CTPS2: variants seen among roughly 807,000 people sequenced by gnomAD.
CTPS2 encodes CTP synthase 2.
Under a neutral mutation model 46.8 loss-of-function variants are expected in CTPS2, and 19 were observed. The ratio of observed to expected loss-of-function variants is 0.41; its 90% confidence interval spans 0.28 to 0.60. The LOEUF is 0.60. Ranked by LOEUF, CTPS2 falls within the 20% of genes least tolerant of loss-of-function variation. The probability of loss-of-function intolerance (pLI) is 0.35; values close to 1 mark genes in which losing one functional copy is unlikely to be tolerated. For synonymous variants in CTPS2, 151 were observed against 165.2 expected (o/e 0.91, Z 0.66); for missense variants, 286 against 447.6 (o/e 0.64, Z 3.26).
chrX:16,702,934 G>C lies in CTPS2; in HGVS notation c.-32C>G. On this transcript the variant is annotated 5_prime_UTR_variant, in exon 2 of 19. The change creates a new upstream start codon in the 5' untranslated region. Coordinates refer to ENST00000359276, the MANE Select transcript of CTPS2 (RefSeq NM_175859.3). Reference sequence around the variant, plus strand: ...AATAGTGGCTGGGTGCCAACACCCAGATATAATCTGAAAGGCAATAAAATT... The same window carrying C: ...AATAGTGGCTGGGTGCCAACACCCACATATAATCTGAAAGGCAATAAAATT... 8 of 1,138,365 alleles carry C rather than the reference G, an allele frequency of 7.0e-6. No homozygotes were observed. The highest frequency in any genetic ancestry group is 8.3e-6 in the Non-Finnish European group (7 of 844,002). 93.8% of individuals were successfully genotyped at this position (1,138,365 alleles called of 1,213,427 possible).
intron 8 of CTPS2, among the ~76,000 whole-genome samples, chrX:16,685,605 T>G (rs1223679260): frequency 1.8e-5 from 2 of 108,259 alleles, no homozygotes; most frequent in Non-Finnish European, 3.8e-5. Context: ...ATGCCTGTAA[T>G]CCCAGCAGTT....
rs948772360 is a variant in CTPS2 at position 16,701,726 on chromosome X, G to A, written c.166+1011C>T. 3.7e-5 allele frequency among the ~76,000 whole-genome samples: 4 copies of A among 108,510 alleles called. No individual in the cohort carries two copies. In the East Asian group the frequency reaches 1.2e-3, roughly 33 times the overall value. The allele number at this position is 108,510 out of a possible 115,157, so 94.2% of individuals were successfully genotyped here. ...CGCCATTCTCCCACCTTAGCCTCCC[G>A]AGTAGCTGGGACTACAGGCGCTCGC... On this transcript the variant is annotated intron_variant, in intron 2 of 18. Coordinates refer to ENST00000359276, the MANE Select transcript of CTPS2 (RefSeq NM_175859.3).
chrX:16,591,361 T>C (rs1265034015), intron 17 of CTPS2, among the ~76,000 whole-genome samples: 1 of 111,588 alleles, frequency 9.0e-6, no homozygotes, highest in Non-Finnish European at 1.9e-5. Flanking sequence ...AGGTTGAGCA[T>C]CACTTAGTCC....
intron 16 of CTPS2, among the ~76,000 whole-genome samples, chrX:16,610,417 C>T (rs1930203428): frequency 9.0e-6 from 1 of 111,158 alleles, no homozygotes; most frequent in African/African-American, 3.3e-5. Flanking sequence ...ATTCCCATCA[C>T]TTACCAGCAA....
intron 1 of CTPS2, chrX:16,711,741 T>G (rs1283596568): frequency 9.0e-6 from 1 of 111,661 alleles, no homozygotes; most frequent in East Asian, 2.8e-4. Flanking sequence ...TTTTGTTGTA[T>G]ATAAACCATA....
At chrX:16,675,927 TTTTTG>T (rs1253876217) in intron 10 of CTPS2, among the ~76,000 whole-genome samples, 8 of 112,103 alleles carry the variant, frequency 7.1e-5, no homozygotes, top group South Asian at 7.4e-4. Flanking sequence ...TTGCTGATCC[TTTTTG>T]TTTTATTTTT....
chrX:16,602,948 G>A (rs1441801882), intron 17 of CTPS2, among the ~76,000 whole-genome samples: 2 of 111,564 alleles, frequency 1.8e-5, no homozygotes, highest in Admixed American at 1.9e-4. Flanking sequence ...GCCAGTGGGT[G>A]CCCTTTCAAG....
intron 13 of CTPS2, among the ~76,000 whole-genome samples, chrX:16,650,712 G>A (rs1932575980): frequency 1.8e-5 from 2 of 109,102 alleles, no homozygotes; most frequent in Admixed American, 9.9e-5. Context: ...CACCATGTTG[G>A]CCAGGCTTCC....
At chrX:16,654,669 A>G (rs1932775396) in intron 13 of CTPS2, 1 of 333,547 alleles carries the variant, frequency 3.0e-6, no homozygotes, top group Admixed American at 5.5e-5. Flanking sequence ...TATTAGACAT[A>G]CCTTACTTTG....
intron 17 of CTPS2, among the ~76,000 whole-genome samples, chrX:16,599,476 C>CTTTT (rs56794396): frequency 2.3e-5 from 2 of 86,212 alleles, no homozygotes; most frequent in African/African-American, 9.1e-5. Flanking sequence ...TCTTTTTTTT[C>CTTTT]TTTTTTTTTT....
chrX:16,673,994 C>T (rs1305871663), intron 10 of CTPS2, among the ~76,000 whole-genome samples: 1 of 111,612 alleles, frequency 9.0e-6, no homozygotes. Context: ...GTAAAAGTTC[C>T]TAAGAGTTAA....
intron 13 of CTPS2, among the ~76,000 whole-genome samples, chrX:16,657,237 G>A (rs1429512350): frequency 2.0e-5 from 2 of 100,648 alleles, no homozygotes; most frequent in African/African-American, 7.4e-5. Context: ...TGTGTATGCT[G>A]GGTTCTTCTG....
intron 13 of CTPS2, among the ~76,000 whole-genome samples, chrX:16,648,874 C>T (rs1478255080): frequency 8.9e-6 from 1 of 112,026 alleles, no homozygotes; most frequent in Non-Finnish European, 1.9e-5. Flanking sequence ...AGCTGAGAAA[C>T]ATCAGGGAGA....
chrX:16,667,289 C>T (rs1272434700), intron 13 of CTPS2, among the ~76,000 whole-genome samples: 2 of 110,117 alleles, frequency 1.8e-5, no homozygotes, highest in Non-Finnish European at 3.8e-5. Flanking sequence ...TCTGCCACCA[C>T]AGCCAGCTAA....
chrX:16,601,348 T>C (rs757398551), intron 17 of CTPS2, among the ~76,000 whole-genome samples: 33 of 110,489 alleles, frequency 3.0e-4, no homozygotes, highest in African/African-American at 9.9e-4. Context: ...ACCTAATAAT[T>C]CACCTCCGAT....
At chrX:16,694,025 G>A (rs1489027158) in intron 4 of CTPS2, among the ~76,000 whole-genome samples, 3 of 109,953 alleles carry the variant, frequency 2.7e-5, no homozygotes, top group East Asian at 5.8e-4. Context: ...TTAGCTGGAC[G>A]TGGTGGGGCA....
At chrX:16,690,740 C>T (rs373606081) in intron 7 of CTPS2, among the ~76,000 whole-genome samples, 38 of 111,759 alleles carry the variant, frequency 3.4e-4, no homozygotes, top group East Asian at 1.4e-3. Flanking sequence ...AAAAGAAAAG[C>T]GAATTATCAG....
At chrX:16,672,654 T>G (rs762167611) in intron 10 of CTPS2, among the ~76,000 whole-genome samples, 1 of 111,029 alleles carries the variant, frequency 9.0e-6, no homozygotes, top group South Asian at 3.8e-4. Flanking sequence ...TTTTCCTTTG[T>G]GTTACAGCTT....
At chrX:16,662,924 G>A (rs763796457) in intron 13 of CTPS2, among the ~76,000 whole-genome samples, 6 of 110,985 alleles carry the variant, frequency 5.4e-5, no homozygotes, top group African/African-American at 1.6e-4. Flanking sequence ...ATGTGTTCGC[G>A]CGTGGGTGCA....
Sources: gnomAD v4.1 joint callset for allele counts (sites outside exome capture counted in the v4.1 genomes callset) on GRCh38, gnomAD v4.1.1 for gene constraint, MANE v1.5 for transcripts, NCBI Gene and HGNC (gene_info 2026-07-23, HGNC 2026-07-21) for gene names.